UBXN11: variants seen among roughly 807,000 people sequenced by gnomAD.
The protein encoded by UBXN11 is UBX domain-containing protein 11.
A neutral mutation model predicts 62.8 loss-of-function variants in UBXN11; 47 were observed. The ratio of observed to expected loss-of-function variants is 0.75; its 90% CI spans 0.59 to 0.95. The LOEUF (loss-of-function observed/expected upper bound fraction) is 0.95, where lower values mean the gene tolerates loss of function less well. Ranked by LOEUF, UBXN11 falls within the 40% of genes least tolerant of loss-of-function variation. The pLI is 0.00. For missense variants in UBXN11, 638 were observed against 661.7 expected, an observed-to-expected ratio of 0.96 and a Z score of 0.39; for synonymous variants, 294 against 267.0, an observed-to-expected ratio of 1.10 and a Z score of -0.99.
At chr1:26,301,867 A>G in intron 2 of UBXN11, 145 bp from the exon 3 acceptor site, 3 of 1,102,226 alleles carry the variant, frequency 2.7e-6, no homozygotes, top group Non-Finnish European at 1.3e-6. Context: ...TCCAGCCCCA[A>G]ATCCCAGCCC....
chr1:26,318,169 T>A, exon 1 of UBXN11: 1 of 1,036,990 alleles, frequency 9.6e-7, no homozygotes, highest in Admixed American at 1.9e-5. Context: ...CCCAGCCTTC[T>A]CTCCTGAGAG....
At position 26,313,773 on chromosome 1, in the gene UBXN11, AT is replaced by A. The variant is rs776997209; in HGVS notation, c.-149+4273del. Among the ~76,000 whole-genome samples, 613 of 130,144 alleles carry A rather than the reference AT, an allele frequency of 4.7e-3. 7 individuals are homozygous for A. Among genetic ancestry groups the A allele is most frequent in the African/African-American group, 0.017 (592 of 35,688 alleles). The allele number at this position is 130,144 out of a possible 152,430, so 85.4% of individuals were successfully genotyped here. On this transcript the variant is annotated intron_variant, in intron 1 of 14. Coordinates refer to the UBXN11 transcript ENST00000374217. ...AATTTCCATTTGGTTCTTTACTATA[AT>A]TTTTTTTCTTTTTTTTTTTTTTTTG...
chr1:26,296,983 A>G lies in UBXN11; in HGVS notation c.368T>C (p.Leu123Pro). 1 of 1,603,796 alleles carries G rather than the reference A, an allele frequency of 6.2e-7. No homozygotes were observed. The highest frequency in any genetic ancestry group is 1.3e-5 in the African/African-American group (1 of 74,932). Residue 123 changes from leucine to proline, a missense_variant, in exon 7 of 15, where the codon CTG becomes CCG. Physicochemically the swap from Leu to Pro is moderately conservative, Grantham distance 98. Transcript: ENST00000374222. Reference sequence around the variant, plus strand: ...CGTCTCCAGTTCCTCCTGCCGCTGCAGGGTTGCCTCGGCTTCAGGGAAAGA... The same window carrying G: ...CGTCTCCAGTTCCTCCTGCCGCTGCGGGGTTGCCTCGGCTTCAGGGAAAGA... Reference protein sequence around the residue: ...TLRPHPAEATLQRQEELETMC... With the variant: ...TLRPHPAEATPQRQEELETMC...
Position 26,282,780 on chromosome 1 carries a change from C to G in UBXN11, c.1161G>C (p.Glu387Asp). 6 of 1,614,126 alleles carry G rather than the reference C, an allele frequency of 3.7e-6. No homozygotes were observed. The highest frequency in any genetic ancestry group is 5.1e-6 in the Non-Finnish European group (6 of 1,180,014). Reference sequence around the variant, plus strand: ...GCGGGGGTGCCGGCGTGTTGGGTGACTCCTGGCTCCTGCACAGCCCAGAGG... The same window carrying G: ...GCGGGGGTGCCGGCGTGTTGGGTGAGTCCTGGCTCCTGCACAGCCCAGAGG... Reference protein sequence around the residue: ...TLAAERERSQESPNTPAPPLS... With the variant: ...TLAAERERSQDSPNTPAPPLS... The change falls in exon 14 of 15, where the codon GAG becomes GAC. Residue 387 changes from glutamate to aspartate, a missense_variant. Coordinates refer to ENST00000374222, the MANE Select transcript of UBXN11 (RefSeq NM_001389556.1).
chr1:26,289,249 T>C (rs1180030522), intron 8 of UBXN11, among the ~76,000 whole-genome samples: 1 of 152,158 alleles, frequency 6.6e-6, no homozygotes, highest in Non-Finnish European at 1.5e-5. Context: ...ACAGGGCTGC[T>C]GTGAGGCTTG....
At chr1:26,287,478 T>C (rs2124638549) in intron 8 of UBXN11, among the ~76,000 whole-genome samples, 1 of 151,764 alleles carries the variant, frequency 6.6e-6, no homozygotes, top group South Asian at 2.1e-4. Flanking sequence ...CCCAAGTAAG[T>C]CATCTGTTTG....
intron 12 of UBXN11, among the ~76,000 whole-genome samples, chr1:26,283,138 C>T (rs1570075265): frequency 6.6e-6 from 1 of 152,058 alleles, no homozygotes; most frequent in Non-Finnish European, 1.5e-5. Context: ...TGGTTCCCCC[C>T]AGGTAACCCC....
chr1:26,286,009 G>T lies in UBXN11; in HGVS notation c.588C>A (p.Asp196Glu). Reference protein sequence around the residue: ...PGDSLAPPEVDFDRLLASLQD... With the variant: ...PGDSLAPPEVEFDRLLASLQD... ...GCAGGCTGGCCAGCAGCCTGTCAAAGTCCACCTCAGGGGGCGCCAATGAGT... is the reference window on the plus strand; with the variant it reads ...GCAGGCTGGCCAGCAGCCTGTCAAATTCCACCTCAGGGGGCGCCAATGAGT... The change falls in exon 9 of 15, where the codon GAC becomes GAA. Residue 196 changes from aspartate to glutamate, a missense_variant. Transcript: ENST00000374222. 1 of 1,610,614 alleles carries T rather than the reference G, an allele frequency of 6.2e-7. No homozygotes were observed. The highest frequency in any genetic ancestry group is 1.1e-5 in the South Asian group (1 of 90,886).
intron 8 of UBXN11, among the ~76,000 whole-genome samples, chr1:26,293,333 T>C (rs938709998): frequency 6.6e-6 from 1 of 152,092 alleles, no homozygotes; most frequent in Non-Finnish European, 1.5e-5. Context: ...TTGAAGAGAA[T>C]GGGCCTGGTT....
intron 8 of UBXN11, 138 bp from the exon 9 acceptor site, chr1:26,286,175 C>A: frequency 1.5e-6 from 1 of 689,368 alleles, no homozygotes; most frequent in Non-Finnish European, 2.3e-6. Context: ...AAGGACAACG[C>A]TAGATAATAA....
At chr1:26,312,335 TCC>T (rs1214369249) in intron 1 of UBXN11, among the ~76,000 whole-genome samples, 1 of 152,052 alleles carries the variant, frequency 6.6e-6, no homozygotes, top group African/African-American at 2.4e-5. Context: ...CACTGCAATC[TCC>T]ACCTCTGGGT....
intron 1 of UBXN11, among the ~76,000 whole-genome samples, chr1:26,304,542 C>T (rs916555157): frequency 7.2e-5 from 11 of 152,276 alleles, no homozygotes; most frequent in African/African-American, 2.6e-4. Flanking sequence ...CACCTAAGGT[C>T]AGGAGTTCAA....
At chr1:26,288,872 T>C (rs2073192629) in intron 8 of UBXN11, among the ~76,000 whole-genome samples, 1 of 152,188 alleles carries the variant, frequency 6.6e-6, no homozygotes, top group Admixed American at 6.5e-5. Context: ...TCATGCAGCT[T>C]GCAGGGCCCA....
In UBXN11 at chr1:26,297,876, C is replaced by T. The variant is rs774918216; in HGVS notation, c.300+86G>A. On this transcript the variant is annotated intron_variant, in intron 5 of 14. Coordinates refer to ENST00000374222, the MANE Select transcript of UBXN11 (RefSeq NM_001389556.1). The stretch of plus-strand genomic sequence containing the variant: ...GTGTGGTAGACGGTTCTAGAATCAC[C>T]CACCCTAGTCCAACTCCTGGCCTCC... 4.8e-4 allele frequency: 679 copies of T among 1,427,606 alleles called. 1 individual carries two copies. The highest frequency in any genetic ancestry group is 5.7e-4 in the Non-Finnish European group (598 of 1,040,278). The allele number at this position is 1,427,606 out of a possible 1,614,324, so 88.4% of individuals were successfully genotyped here.
upstream of UBXN11, among the ~76,000 whole-genome samples, chr1:26,310,222 G>A (rs894799740): frequency 4.6e-5 from 7 of 152,130 alleles, no homozygotes; most frequent in Non-Finnish European, 8.8e-5. Flanking sequence ...CCAACATGAC[G>A]AAACCCTGTC....
At chr1:26,303,057 A>T in intron 1 of UBXN11, 139 bp from the exon 2 acceptor site, 1 of 577,320 alleles carries the variant, frequency 1.7e-6, no homozygotes, top group Non-Finnish European at 3.1e-6. Context: ...TGCCTCTTCC[A>T]CTGTCTCCAC....
chr1:26,293,208 T>C (rs976430114), intron 8 of UBXN11, among the ~76,000 whole-genome samples: 3 of 152,108 alleles, frequency 2.0e-5, no homozygotes, highest in Non-Finnish European at 2.9e-5. Context: ...ATGAAGTGAA[T>C]AGAGGTCATC....
chr1:26,293,724 CAAAAAAAAAAAAAA>C (rs1163207554), intron 8 of UBXN11, among the ~76,000 whole-genome samples: 7 of 26,938 alleles, frequency 2.6e-4, no homozygotes, highest in African/African-American at 4.8e-4. Context: ...GACTCCGTCT[CAAAAAAAAAAAAAA>C]AAAAAAAAAA....
At chr1:26,302,000 A>G (rs1484788099) in intron 2 of UBXN11, among the ~76,000 whole-genome samples, 2 of 152,196 alleles carry the variant, frequency 1.3e-5, no homozygotes, top group African/African-American at 4.8e-5. Context: ...AAAGCCCATG[A>G]GCTCAGCCCC....
Sources: gnomAD v4.1 joint callset for allele counts (sites outside exome capture counted in the v4.1 genomes callset) on GRCh38, gnomAD v4.1.1 for gene constraint, MANE v1.5 for transcripts, NCBI Gene and HGNC (gene_info 2026-07-23, HGNC 2026-07-21) for gene names.